CAMK4: variants seen among roughly 807,000 people sequenced by gnomAD.
The protein encoded by CAMK4 is calcium/calmodulin-dependent protein kinase type IV.
In CAMK4, 22 loss-of-function variants were observed where a neutral mutation model predicts 44.9. The ratio of observed to expected loss-of-function variants is 0.49; its 90% confidence interval spans 0.35 to 0.70. The LOEUF (loss-of-function observed/expected upper bound fraction) is 0.70. Ranked by LOEUF, CAMK4 falls within the 30% of genes least tolerant of loss-of-function variation. The probability of loss-of-function intolerance (pLI) is 0.01; values close to 1 mark genes in which losing one functional copy is unlikely to be tolerated. For missense variants in CAMK4, 498 were observed against 586.8 expected (o/e 0.85, Z 1.56); for synonymous variants, 218 against 215.4 (o/e 1.01, Z -0.11).
intron 5 of CAMK4, among the ~76,000 whole-genome samples, chr5:111,409,687 C>G (rs1166610921): frequency 6.6e-6 from 1 of 152,134 alleles, no homozygotes; most frequent in East Asian, 1.9e-4. Context: ...TTATGCTCTG[C>G]TTTCTCTTGA....
rs899637103 is a variant in CAMK4, at chr5:111,290,946, C to A, written c.162-53078C>A. 3.3e-5 allele frequency among the ~76,000 whole-genome samples: 5 copies of A among 152,128 alleles called. No individual in the cohort carries two copies. Among genetic ancestry groups the A allele is most frequent in the Admixed American group, 1.3e-4 (2 of 15,272 alleles). ...AAATCCCATTTAAATTAAGAAAATG[C>A]CACTTGGCTCTTTATGTTACCATGG... On this transcript the variant is annotated intron_variant, in intron 1 of 10. Coordinates refer to ENST00000282356, the MANE Select transcript of CAMK4 (RefSeq NM_001744.6). This position sits in a 1 kb window ranked among gnomAD's most constrained non-coding sequence, Gnocchi z 4.5.
At chr5:111,471,670 C>A (rs551475322) in intron 7 of CAMK4, among the ~76,000 whole-genome samples, 1 of 152,166 alleles carries the variant, frequency 6.6e-6, no homozygotes, top group South Asian at 2.1e-4. Context: ...TATTTTGGTA[C>A]AAAAAATTGT....
intron 1 of CAMK4, among the ~76,000 whole-genome samples, chr5:111,263,562 G>A (rs373934466): frequency 6.6e-6 from 1 of 152,010 alleles, no homozygotes; most frequent in Non-Finnish European, 1.5e-5. Flanking sequence ...CCCTAATCCA[G>A]TTCAACACCC....
Position 111,482,768 on chromosome 5 carries a change from G to C in CAMK4, c.829-17G>C. On this transcript the variant is annotated splice_polypyrimidine_tract_variant and intron_variant, in intron 9 of 10. Coordinates refer to ENST00000282356, the MANE Select transcript of CAMK4 (RefSeq NM_001744.6). The surrounding 1 kb of genome is among the most constrained non-coding windows in gnomAD (Gnocchi z 4.9). ...TCCTAAAAACCTCGCTAAGTTTATG[G>C]TTCTTTATTATTTCAGGTCAGAAAA... 6.2e-7 allele frequency: 1 copy of C among 1,600,032 alleles called. No homozygotes were observed. Among genetic ancestry groups the C allele is most frequent in the Non-Finnish European group, 8.5e-7 (1 of 1,175,040 alleles).
At chr5:111,323,257 A>G (rs928756016) in intron 1 of CAMK4, among the ~76,000 whole-genome samples, 6 of 152,106 alleles carry the variant, frequency 3.9e-5, no homozygotes, top group Admixed American at 3.9e-4. Flanking sequence ...TGAAACAAAG[A>G]TATGATATAC....
At chr5:111,264,447 C>T (rs554612826) in intron 1 of CAMK4, among the ~76,000 whole-genome samples, 2 of 152,286 alleles carry the variant, frequency 1.3e-5, no homozygotes, top group East Asian at 1.9e-4. Flanking sequence ...TTGCATGGTT[C>T]TTGAATGCAT....
intron 1 of CAMK4, among the ~76,000 whole-genome samples, chr5:111,273,951 CTA>C (rs1246124904): frequency 6.6e-6 from 1 of 151,744 alleles, no homozygotes; most frequent in Non-Finnish European, 1.5e-5. Context: ...ATTTTAATAG[CTA>C]TATGTTATCC....
Position 111,485,414 on chromosome 5 carries a change from C to A in CAMK4, c.*948C>A, listed in dbSNP as rs891933719. 6.6e-6 allele frequency: 1 copy of A among 152,054 alleles called. No homozygotes were observed. Among genetic ancestry groups the A allele is most frequent in the Admixed American group, 6.5e-5 (1 of 15,272 alleles). The allele number at this position is 152,054 out of a possible 1,614,324, so 9.4% of individuals were successfully genotyped here. A position where few individuals can be genotyped will look rare whatever the true frequency, so the allele number is the denominator to read the frequency against. On this transcript the variant is annotated 3_prime_UTR_variant, in exon 11 of 11. Coordinates refer to ENST00000282356, the MANE Select transcript of CAMK4 (RefSeq NM_001744.6). ...CCAAGTTGCAAATATTTAGAAAATTCTATTTCACAGGTTAGTGCCAAAATG... is the reference window on the plus strand; with the variant it reads ...CCAAGTTGCAAATATTTAGAAAATTATATTTCACAGGTTAGTGCCAAAATG...
At chr5:111,237,442 T>C (rs1359039904) in intron 1 of CAMK4, among the ~76,000 whole-genome samples, 1 of 152,266 alleles carries the variant, frequency 6.6e-6, no homozygotes, top group Non-Finnish European at 1.5e-5. Flanking sequence ...TAAGTAGGGC[T>C]CTAAGCCTGA....
At chr5:111,384,831 C>T (rs1181362058) in intron 4 of CAMK4, among the ~76,000 whole-genome samples, 1 of 152,092 alleles carries the variant, frequency 6.6e-6, no homozygotes, top group East Asian at 1.9e-4. Context: ...TAGATTTGAT[C>T]AGGTCAGCCC....
chr5:111,264,979 A>C (rs1002547893), intron 1 of CAMK4, among the ~76,000 whole-genome samples: 2 of 151,900 alleles, frequency 1.3e-5, no homozygotes, highest in Non-Finnish European at 2.9e-5. Flanking sequence ...GGATCCCCAC[A>C]CTATCCAATA....
chr5:111,391,759 A>G (rs1290884598), intron 4 of CAMK4, among the ~76,000 whole-genome samples: 1 of 152,206 alleles, frequency 6.6e-6, no homozygotes, highest in Non-Finnish European at 1.5e-5. Flanking sequence ...TTATGCCACA[A>G]ATCTGAATAA....
chr5:111,326,776 A>C (rs990494564), intron 1 of CAMK4, among the ~76,000 whole-genome samples: 2 of 151,812 alleles, frequency 1.3e-5, no homozygotes, highest in Non-Finnish European at 2.9e-5. Flanking sequence ...GAAGGAGTAC[A>C]TTGGTAGGTA....
At chr5:111,312,297 T>C (rs912440345) in intron 1 of CAMK4, among the ~76,000 whole-genome samples, 5 of 152,186 alleles carry the variant, frequency 3.3e-5, no homozygotes. Context: ...ACTTTAATAC[T>C]AGAGAGAACC....
intron 2 of CAMK4, among the ~76,000 whole-genome samples, chr5:111,354,008 G>A (rs947576724): frequency 1.3e-5 from 2 of 152,078 alleles, no homozygotes; most frequent in African/African-American, 4.8e-5. Context: ...TAGTTGTACT[G>A]CTATTTCATT....
At chr5:111,481,472 C>G (rs1755432173) in intron 9 of CAMK4, among the ~76,000 whole-genome samples, 1 of 152,176 alleles carries the variant, frequency 6.6e-6, no homozygotes, top group South Asian at 2.1e-4. Flanking sequence ...AACACACATT[C>G]TTTTGCAGAA....
intron 4 of CAMK4, among the ~76,000 whole-genome samples, chr5:111,380,005 A>T (rs1386810562): frequency 4.6e-5 from 7 of 152,174 alleles, no homozygotes; most frequent in Non-Finnish European, 2.9e-5. Flanking sequence ...TTATGACATC[A>T]TGAGAAGAAG....
intron 7 of CAMK4, among the ~76,000 whole-genome samples, chr5:111,465,062 C>T (rs1284017388): frequency 6.6e-6 from 1 of 152,150 alleles, no homozygotes; most frequent in Non-Finnish European, 1.5e-5. Context: ...TGCCTTGCAA[C>T]ATCCATTCAC....
chr5:111,258,574 T>C (rs1254881210), intron 1 of CAMK4, among the ~76,000 whole-genome samples: 3 of 152,106 alleles, frequency 2.0e-5, no homozygotes, highest in African/African-American at 2.4e-5. Context: ...ACTGATTCAC[T>C]ATCATGAGAA....
Sources: gnomAD v4.1 joint callset for allele counts (sites outside exome capture counted in the v4.1 genomes callset) on GRCh38, gnomAD v4.1.1 for gene constraint, Gnocchi (gnomAD v3.1) non-coding constraint, MANE v1.5 for transcripts, NCBI Gene and HGNC (gene_info 2026-07-23, HGNC 2026-07-21) for gene names.